KAZN: variants seen among roughly 807,000 people sequenced by gnomAD.
The protein encoded by KAZN is kazrin.
Under a neutral mutation model 87.4 loss-of-function variants are expected in KAZN, and 40 were observed. That is an observed-to-expected ratio of 0.46 (90% CI 0.36 to 0.60). The LOEUF (loss-of-function observed/expected upper bound fraction) is 0.60. KAZN is among the 20% of genes least tolerant of loss of function. The pLI is 0.00. For missense variants in KAZN, 898 were observed against 1,073.9 expected (o/e 0.84, Z 2.29); for synonymous variants, 466 against 458.3 (o/e 1.02, Z -0.22).
At position 15,042,498 on chromosome 1, in the gene KAZN, G is replaced by A. The variant is rs78754178; in HGVS notation, c.556-1491G>A. 7.9e-3 allele frequency among the ~76,000 whole-genome samples: 1,197 copies of A among 152,268 alleles called. 15 individuals are homozygous for A. Among genetic ancestry groups the A allele is most frequent in the African/African-American group, 0.028 (1,157 of 41,552 alleles). Reference sequence around the variant, plus strand: ...AATTGAGCAGGGATCTGAGTGAGGCGAGCAGGTGCCTGCTGGGAGCCCAGT... The same window carrying A: ...AATTGAGCAGGGATCTGAGTGAGGCAAGCAGGTGCCTGCTGGGAGCCCAGT... On this transcript the variant is annotated intron_variant, in intron 3 of 14. Transcript: ENST00000376030.
intron 2 of KAZN, among the ~76,000 whole-genome samples, chr1:14,266,246 T>C (rs181879091): frequency 4.7e-4 from 71 of 152,340 alleles, no homozygotes; most frequent in African/African-American, 1.7e-3. Flanking sequence ...ATTGCTGTCA[T>C]TGCTACTGCA....
At chr1:14,612,217 A>G (rs1677878888) in intron 1 of KAZN, among the ~76,000 whole-genome samples, 1 of 152,206 alleles carries the variant, frequency 6.6e-6, no homozygotes, top group African/African-American at 2.4e-5. Context: ...GTTGTGGTTA[A>G]TGGACAGGAG....
At chr1:13,997,060 C>T (rs1639556229) in intron 1 of KAZN, among the ~76,000 whole-genome samples, 1 of 152,108 alleles carries the variant, frequency 6.6e-6, no homozygotes, top group Non-Finnish European at 1.5e-5. Flanking sequence ...GGCTTGGGAG[C>T]AAACCAGATG....
At chr1:14,791,834 C>T (rs2803390) in intron 1 of KAZN, among the ~76,000 whole-genome samples, 8 of 152,238 alleles carry the variant, frequency 5.3e-5, no homozygotes, top group African/African-American at 1.9e-4. Context: ...CACAGCTTTG[C>T]TTTCAGCAGC....
chr1:14,015,898 C>T (rs1342477557), intron 1 of KAZN, among the ~76,000 whole-genome samples: 2 of 151,964 alleles, frequency 1.3e-5, no homozygotes, highest in African/African-American at 4.8e-5. Context: ...CAACTTGAGG[C>T]TGTCTGATTC....
chr1:14,649,532 C>T (rs1245535364), intron 1 of KAZN, among the ~76,000 whole-genome samples: 1 of 151,818 alleles, frequency 6.6e-6, no homozygotes, highest in Non-Finnish European at 1.5e-5. Context: ...TTACTCATTA[C>T]AGTGACCAAG....
At chr1:14,536,615 C>T (rs1005544433) in intron 2 of KAZN, among the ~76,000 whole-genome samples, 2 of 152,128 alleles carry the variant, frequency 1.3e-5, no homozygotes, top group African/African-American at 4.8e-5. Flanking sequence ...CGTGTGGTGG[C>T]TCACGCCTGT....
chr1:14,774,471 T>TC (rs1309996247), intron 1 of KAZN, among the ~76,000 whole-genome samples: 1 of 107,358 alleles, frequency 9.3e-6, no homozygotes. Flanking sequence ...TGAACAGATT[T>TC]TTTTTTTTTT....
chr1:14,833,818 A>G (rs113826539), intron 1 of KAZN, among the ~76,000 whole-genome samples: 2 of 152,184 alleles, frequency 1.3e-5, no homozygotes, highest in African/African-American at 4.8e-5. Flanking sequence ...GATGACATCC[A>G]TGCTTCACCA....
intron 2 of KAZN, among the ~76,000 whole-genome samples, chr1:14,436,053 C>A (rs1666364568): frequency 6.6e-6 from 1 of 152,122 alleles, no homozygotes; most frequent in Non-Finnish European, 1.5e-5. Flanking sequence ...CATGGTGAAA[C>A]CCCATCTCTA....
chr1:14,407,588 T>A (rs1386222656), intron 2 of KAZN, among the ~76,000 whole-genome samples: 1 of 152,200 alleles, frequency 6.6e-6, no homozygotes, highest in Admixed American at 6.5e-5. Flanking sequence ...CCTCTCCCTG[T>A]CCACAACCTG....
intron 1 of KAZN, among the ~76,000 whole-genome samples, chr1:14,671,675 T>C (rs1246002356): frequency 1.3e-5 from 2 of 152,232 alleles, no homozygotes; most frequent in African/African-American, 2.4e-5. Flanking sequence ...AACATCCTAA[T>C]TTTATGATGC....
chr1:14,712,180 C>G (rs182434142), intron 1 of KAZN, among the ~76,000 whole-genome samples: 1 of 152,292 alleles, frequency 6.6e-6, no homozygotes, highest in Admixed American at 6.5e-5. Context: ...GAGGCAGTCT[C>G]TAATTTGCAT....
intron 2 of KAZN, among the ~76,000 whole-genome samples, chr1:14,560,778 G>T (rs1339519089): frequency 2.0e-5 from 3 of 152,158 alleles, no homozygotes; most frequent in Non-Finnish European, 4.4e-5. Flanking sequence ...ATGGAGAAGG[G>T]AAAGGGAAGG....
chr1:14,531,456 G>A (rs1225065747), intron 2 of KAZN, among the ~76,000 whole-genome samples: 1 of 152,108 alleles, frequency 6.6e-6, no homozygotes, highest in Non-Finnish European at 1.5e-5. Flanking sequence ...ACAAGAACTC[G>A]GCAGAACCCA....
intron 1 of KAZN, among the ~76,000 whole-genome samples, chr1:14,668,730 G>A (rs150992545): frequency 5.3e-5 from 8 of 152,248 alleles, no homozygotes; most frequent in East Asian, 1.9e-4. Flanking sequence ...ATAGTTTGTC[G>A]CAGGAATTCA....
At chr1:14,748,057 G>A (rs1284654614) in intron 1 of KAZN, among the ~76,000 whole-genome samples, 2 of 152,176 alleles carry the variant, frequency 1.3e-5, no homozygotes, top group African/African-American at 4.8e-5. Flanking sequence ...CACCTTTGAG[G>A]AGCTAAGCTT....
At chr1:14,866,178 C>T (rs1211817762) in intron 1 of KAZN, among the ~76,000 whole-genome samples, 5 of 152,164 alleles carry the variant, frequency 3.3e-5, no homozygotes, top group African/African-American at 1.2e-4. Context: ...CTTTCAGCTT[C>T]CCCTCCCCAC....
At chr1:14,238,736 G>T (rs1000633037) in intron 2 of KAZN, among the ~76,000 whole-genome samples, 2 of 152,238 alleles carry the variant, frequency 1.3e-5, no homozygotes, top group African/African-American at 4.8e-5. Context: ...TTGCAATCCT[G>T]ATGGGGAAAG....
Sources: gnomAD v4.1 joint callset for allele counts (sites outside exome capture counted in the v4.1 genomes callset) on GRCh38, gnomAD v4.1.1 for gene constraint, MANE v1.5 for transcripts, NCBI Gene and HGNC (gene_info 2026-07-23, HGNC 2026-07-21) for gene names.